LINGO2: variants seen among roughly 807,000 people sequenced by gnomAD.
LINGO2 encodes leucine-rich repeat and immunoglobulin-like domain-containing nogo receptor-interacting protein 2.
LINGO2 carries 14 observed loss-of-function variants against 30.6 expected under a neutral mutation model. That is an observed-to-expected ratio of 0.46 (90% CI 0.30 to 0.72). LINGO2 has a LOEUF of 0.72. LINGO2 is among the 30% of genes least tolerant of loss of function. The probability of loss-of-function intolerance (pLI) is 0.07; values close to 1 mark genes in which losing one functional copy is unlikely to be tolerated. For missense variants in LINGO2, 729 were observed against 751.7 expected (o/e 0.97, Z 0.35); for synonymous variants, 317 against 288.5 (o/e 1.10, Z -1.00).
exon 6 of LINGO2, chr9:27,950,444 T>C (rs1401955546): frequency 6.2e-7 from 1 of 1,612,344 alleles, no homozygotes; most frequent in Admixed American, 1.7e-5. Context: ...ATGATATGAA[T>C]TCTTCAGGGT....
At chr9:28,467,829 C>T (rs1825374710) in intron 2 of LINGO2, among the ~76,000 whole-genome samples, 1 of 151,882 alleles carries the variant, frequency 6.6e-6, no homozygotes, top group Non-Finnish European at 1.5e-5. Context: ...TAACATAATA[C>T]AACTGTGTCA....
intron 1 of LINGO2, among the ~76,000 whole-genome samples, chr9:28,623,571 A>C (rs1037352189): frequency 6.6e-6 from 1 of 152,032 alleles, no homozygotes; most frequent in Non-Finnish European, 1.5e-5. Flanking sequence ...TTTCTATGTC[A>C]GTACCATGCT....
At chr9:28,923,903 T>C in the LINGO2 span, among the ~76,000 whole-genome samples, 1 of 152,160 alleles carries the variant, frequency 6.6e-6, no homozygotes, top group Non-Finnish European at 1.5e-5. Flanking sequence ...GAGCCAGCTC[T>C]GTACAGGAAA....
At chr9:28,320,807 C>T (rs1324322526) in intron 3 of LINGO2, among the ~76,000 whole-genome samples, 1 of 152,160 alleles carries the variant, frequency 6.6e-6, no homozygotes, top group Non-Finnish European at 1.5e-5. Flanking sequence ...CTCCCTCAGA[C>T]ATCTGTTCCC....
At chr9:28,403,831 T>G (rs2134760720) in intron 2 of LINGO2, among the ~76,000 whole-genome samples, 1 of 152,200 alleles carries the variant, frequency 6.6e-6, no homozygotes, top group East Asian at 1.9e-4. Flanking sequence ...AAATATACCC[T>G]AGAAACACTT....
At chr9:28,934,173 C>T in the LINGO2 span, among the ~76,000 whole-genome samples, 737 of 152,256 alleles carry the variant, frequency 4.8e-3, 11 homozygotes, top group African/African-American at 0.017. Flanking sequence ...TGTTTTATTT[C>T]TTGTTGAATC....
chr9:28,819,512 T>C, the LINGO2 span, among the ~76,000 whole-genome samples: 1 of 152,216 alleles, frequency 6.6e-6, no homozygotes, highest in Admixed American at 6.5e-5. Context: ...TTTGTATGAA[T>C]TTCTTTTCCC....
intron 1 of LINGO2, among the ~76,000 whole-genome samples, chr9:28,493,650 G>A (rs778728255): frequency 2.2e-4 from 34 of 152,226 alleles, no homozygotes; most frequent in Non-Finnish European, 4.0e-4. Flanking sequence ...ATGTCAACTT[G>A]ATTACAGTGA....
intron 4 of LINGO2, among the ~76,000 whole-genome samples, chr9:28,178,462 A>G (rs1322483693): frequency 6.6e-6 from 1 of 152,132 alleles, no homozygotes; most frequent in Non-Finnish European, 1.5e-5. Flanking sequence ...TTAAAAAAAA[A>G]GTCAGTTAAT....
At chr9:29,006,018 G>T in the LINGO2 span, among the ~76,000 whole-genome samples, 1 of 151,750 alleles carries the variant, frequency 6.6e-6, no homozygotes, top group East Asian at 1.9e-4. Flanking sequence ...CTGTCTCACT[G>T]TGTTTCAGAT....
intron 3 of LINGO2, among the ~76,000 whole-genome samples, chr9:28,363,338 A>G (rs1239686638): frequency 1.3e-5 from 2 of 152,236 alleles, no homozygotes; most frequent in Admixed American, 6.5e-5. Flanking sequence ...ATAAAGAGGA[A>G]GAACAGCATA....
the LINGO2 span, among the ~76,000 whole-genome samples, chr9:28,861,480 AC>A: frequency 6.7e-6 from 1 of 150,158 alleles, no homozygotes; most frequent in South Asian, 2.1e-4. Context: ...GCTTGATATT[AC>A]CTTGTCCATA....
At chr9:28,743,203 A>T in the LINGO2 span, among the ~76,000 whole-genome samples, 1 of 151,852 alleles carries the variant, frequency 6.6e-6, no homozygotes, top group Non-Finnish European at 1.5e-5. Context: ...TTTTAAGTAT[A>T]CTTTAAATTC....
intron 5 of LINGO2, among the ~76,000 whole-genome samples, chr9:27,955,963 G>C (rs1819545763): frequency 8.0e-6 from 1 of 124,324 alleles, no homozygotes; most frequent in Admixed American, 9.8e-5. Context: ...TTTTGAGACG[G>C]AGTTTCGCTC....
At chr9:28,365,620 G>A (rs919904361) in intron 3 of LINGO2, among the ~76,000 whole-genome samples, 4 of 152,102 alleles carry the variant, frequency 2.6e-5, no homozygotes, top group African/African-American at 7.2e-5. Flanking sequence ...CAGGGAACAC[G>A]AAGGAGAAGA....
the LINGO2 span, among the ~76,000 whole-genome samples, chr9:28,959,137 T>G: frequency 0.64 from 96,918 of 151,862 alleles, 31,881 homozygotes; most frequent in Non-Finnish European, 0.72. Flanking sequence ...GTTGCCAAGG[T>G]CTGCTGAGTT....
At chr9:28,871,240 T>C in the LINGO2 span, among the ~76,000 whole-genome samples, 1 of 151,546 alleles carries the variant, frequency 6.6e-6, no homozygotes, top group Non-Finnish European at 1.5e-5. Context: ...ATAAATACTT[T>C]AAAATACAGC....
the LINGO2 span, among the ~76,000 whole-genome samples, chr9:29,015,655 A>T: frequency 6.6e-6 from 1 of 152,210 alleles, no homozygotes; most frequent in East Asian, 1.9e-4. Flanking sequence ...CTACCAGTAC[A>T]ATCTATAGAT....
chr9:28,943,697 C>T, the LINGO2 span, among the ~76,000 whole-genome samples: 18,084 of 152,036 alleles, frequency 0.12, 1,071 homozygotes, highest in South Asian at 0.16. Context: ...AAGTAACAAA[C>T]GTATGCATTG....
Sources: gnomAD v4.1 joint callset for allele counts (sites outside exome capture counted in the v4.1 genomes callset) on GRCh38, gnomAD v4.1.1 for gene constraint, MANE v1.5 for transcripts, NCBI Gene and HGNC (gene_info 2026-07-23, HGNC 2026-07-21) for gene names.